Variants in CCDC18 observed in about 807,000 individuals in gnomAD.
The protein encoded by CCDC18 is coiled-coil domain-containing protein 18.
In CCDC18, 157 loss-of-function variants were observed where a neutral mutation model predicts 196.0. The ratio of observed to expected loss-of-function variants is 0.80; its 90% CI spans 0.70 to 0.91. The LOEUF (loss-of-function observed/expected upper bound fraction) is 0.91. Ranked by LOEUF, CCDC18 falls within the 40% of genes least tolerant of loss-of-function variation. CCDC18 has a pLI of 0.00. For missense variants in CCDC18, 1,465 were observed against 1,611.6 expected (o/e 0.91, Z 1.56); for synonymous variants, 482 against 529.2 (o/e 0.91, Z 1.22).
chr1:93,219,786 A>C (rs936050053), intron 14 of CCDC18, among the ~76,000 whole-genome samples: 1 of 152,236 alleles, frequency 6.6e-6, no homozygotes, highest in Non-Finnish European at 1.5e-5. Flanking sequence ...TTAACAGAAG[A>C]ATGGAGCAGA....
chr1:93,250,249 T>C (rs1038550556), intron 23 of CCDC18, among the ~76,000 whole-genome samples: 1 of 151,752 alleles, frequency 6.6e-6, no homozygotes, highest in Non-Finnish European at 1.5e-5. Flanking sequence ...GGTGTGATGA[T>C]GAGCACTTGT....
intron 26 of CCDC18, among the ~76,000 whole-genome samples, chr1:93,263,451 C>A (rs559397): frequency 0.17 from 26,228 of 152,128 alleles, 2,491 homozygotes; most frequent in African/African-American, 0.22. Context: ...TTAAAAATTT[C>A]TTCTCTCAGA....
In CCDC18 at chr1:93,239,448, A is replaced by G. The variant is rs1402486765; in HGVS notation, c.2742A>G (p.Thr914=). The G allele has an allele frequency of 1.2e-6, 2 of 1,609,760 alleles. No homozygotes were observed. Among genetic ancestry groups the G allele is most frequent in the South Asian group, 1.1e-5 (1 of 90,580 alleles). The change falls in exon 20 of 29, where the codon ACA becomes ACG. Residue 914 remains threonine (T), a synonymous_variant. Transcript: ENST00000690025. ...ATATGATCTTAGATCAGACAAAGAC[A>G]GAGCTAGAAAAGAAAACAAATGCTG... ...QLDMILDQTK[T]ELEKKTNAVK...
intron 16 of CCDC18, 30 bp from the exon 17 acceptor site, chr1:93,226,303 T>C (rs750226714): frequency 2.2e-6 from 2 of 927,876 alleles, no homozygotes; most frequent in Non-Finnish European, 3.3e-6. Context: ...TTTGTGTTTT[T>C]TTTTTTTTTT....
chr1:93,218,455 T>C (rs535975296), intron 14 of CCDC18, among the ~76,000 whole-genome samples: 5 of 152,262 alleles, frequency 3.3e-5, no homozygotes, highest in Non-Finnish European at 7.4e-5. Context: ...ATAAAAGTTA[T>C]GTGAAAACTT....
chr1:93,221,669 A>G lies in CCDC18; in HGVS notation c.2023A>G (p.Met675Val). ...TAAAGAACAAGAAAAGACTATGTCC[A>G]TGTTGCAACAAGATATAATATGCAA... ...QFKEQEKTMS[M>V]LQQDIICKQH... The change falls in exon 15 of 29, where the codon ATG becomes GTG. Residue 675 changes from methionine (M) to valine (V), a missense_variant. Met to Val is a conservative substitution (Grantham distance 21). Coordinates refer to ENST00000690025, the MANE Select transcript of CCDC18 (RefSeq NM_001378204.1). 6.3e-7 allele frequency: 1 copy of G among 1,593,398 alleles called. No individual in the cohort carries two copies. The highest frequency in any genetic ancestry group is 8.5e-7 in the Non-Finnish European group (1 of 1,173,932).
intron 27 of CCDC18, among the ~76,000 whole-genome samples, chr1:93,269,282 G>T (rs537152856): frequency 9.2e-6 from 1 of 108,796 alleles, no homozygotes; most frequent in Non-Finnish European, 1.8e-5. Flanking sequence ...GTTGTGGGGT[G>T]GGGGGAGGGG....
At chr1:93,180,551 G>C, upstream of CCDC18, 2 of 1,476,472 alleles carry the variant, frequency 1.4e-6, no homozygotes, top group Non-Finnish European at 1.8e-6. Context: ...CCACCAATGG[G>C]CATCATGGCG....
In CCDC18 at chr1:93,258,509, A is replaced by G. The variant is rs149864496; in HGVS notation, c.3547-239A>G. Among the ~76,000 whole-genome samples, 708 of 152,282 alleles carry G rather than the reference A, an allele frequency of 4.6e-3. 9 individuals are homozygous for G. The highest frequency in any genetic ancestry group is 0.016 in the African/African-American group (668 of 41,562). On this transcript the variant is annotated intron_variant, in intron 25 of 28. Coordinates refer to ENST00000690025, the MANE Select transcript of CCDC18 (RefSeq NM_001378204.1). ...TTATTATTAATAGTTCATTTTATAGAAAGCATTGGTTAGTGAACATCTATT... is the reference window on the plus strand; with the variant it reads ...TTATTATTAATAGTTCATTTTATAGGAAGCATTGGTTAGTGAACATCTATT...
chr1:93,194,499 A>C lies in CCDC18; in HGVS notation c.698+755A>C, dbSNP rs149545324. On this transcript the variant is annotated intron_variant, in intron 6 of 28. Transcript: ENST00000690025. ...TGGAGTTAGAAAATTTTTAGATTTT[A>C]CCTCTCATTGGCTTTGTTACCTTGG... is the stretch of plus-strand genomic sequence containing the variant. 1.6e-3 allele frequency among the ~76,000 whole-genome samples: 238 copies of C among 152,304 alleles called. 1 individual carries two copies. Among genetic ancestry groups the C allele is most frequent in the Admixed American group, 2.8e-3 (43 of 15,292 alleles).
intron 23 of CCDC18, among the ~76,000 whole-genome samples, chr1:93,251,853 A>T (rs1570576603): frequency 6.6e-6 from 1 of 152,088 alleles, no homozygotes; most frequent in Non-Finnish European, 1.5e-5. Context: ...TGTTTCTTTA[A>T]AAAAGCTTTC....
rs1264498872 is a variant in CCDC18, at chr1:93,217,954, A to T, written c.1962+85A>T. Reference sequence around the variant, plus strand: ...AGCATTTTTTATTTTGTAGACGAGGACACAAAGATACACAAAAGTTAGTGG... The same window carrying T: ...AGCATTTTTTATTTTGTAGACGAGGTCACAAAGATACACAAAAGTTAGTGG... On this transcript the variant is annotated intron_variant, in intron 14 of 28. Transcript: ENST00000690025. 7.4e-6 allele frequency: 8 copies of T among 1,074,978 alleles called. No homozygotes were observed. In the Admixed American group the frequency reaches 1.8e-4, roughly 25 times the overall value. 66.6% of individuals were successfully genotyped at this position (1,074,978 alleles called of 1,614,324 possible).
chr1:93,182,079 A>C (rs973234125), intron 1 of CCDC18, among the ~76,000 whole-genome samples: 2 of 152,220 alleles, frequency 1.3e-5, no homozygotes, highest in Admixed American at 1.3e-4. Context: ...GTAAAGCAGG[A>C]TGGGGACCTG....
intron 6 of CCDC18, among the ~76,000 whole-genome samples, chr1:93,197,791 G>C (rs1263734284): frequency 8.6e-6 from 1 of 115,912 alleles, no homozygotes; most frequent in Non-Finnish European, 1.6e-5. Context: ...TCGCTCTGTC[G>C]CCCAGGCTGG....
chr1:93,257,243 AAAAAAAAAAAAAAAAAC>A (rs1461824854), intron 25 of CCDC18, among the ~76,000 whole-genome samples: 3 of 144,424 alleles, frequency 2.1e-5, no homozygotes, highest in Middle Eastern at 3.3e-3. Flanking sequence ...AAAAAAAAAA[AAAAAAAAAAAAAAAAAC>A]ATGAAAACTA....
chr1:93,218,717 T>G (rs1377262092), intron 14 of CCDC18, among the ~76,000 whole-genome samples: 1 of 151,864 alleles, frequency 6.6e-6, no homozygotes, highest in Non-Finnish European at 1.5e-5. Context: ...ACCATGTTGG[T>G]CAGGCTGATG....
At chr1:93,229,409 C>A (rs1389888432) in intron 17 of CCDC18, among the ~76,000 whole-genome samples, 1 of 152,188 alleles carries the variant, frequency 6.6e-6, no homozygotes, top group East Asian at 1.9e-4. Flanking sequence ...ATATAATTAA[C>A]ACCTTGTAAC....
At chr1:93,209,218 G>T (rs1407432137) in intron 9 of CCDC18, among the ~76,000 whole-genome samples, 1 of 151,806 alleles carries the variant, frequency 6.6e-6, no homozygotes, top group Non-Finnish European at 1.5e-5. Context: ...TTAGCCTCCC[G>T]AAATGCTGGG....
upstream of CCDC18, chr1:93,179,967 T>A: frequency 7.2e-7 from 1 of 1,396,772 alleles, no homozygotes; most frequent in East Asian, 2.6e-5. Context: ...ACCAGGGCCG[T>A]CCACCAGAAG....
Sources: allele counts gnomAD v4.1 joint callset (sites outside exome capture counted in the v4.1 genomes callset), GRCh38; gene constraint gnomAD v4.1.1; transcripts MANE v1.5; gene names NCBI Gene and HGNC (gene_info 2026-07-23, HGNC 2026-07-21).